PLCL1: variants seen among roughly 807,000 people sequenced by gnomAD.
PLCL1 encodes phospholipase C like 1 (inactive), also known as inactive phospholipase C-like protein 1.
Under a neutral mutation model 84.4 loss-of-function variants are expected in PLCL1, and 41 were observed. The observed-to-expected ratio is 0.49, with a 90% CI of 0.38 to 0.63. The LOEUF (loss-of-function observed/expected upper bound fraction) is 0.63, where lower values mean the gene tolerates loss of function less well. Ranked by LOEUF, PLCL1 falls within the 30% of genes least tolerant of loss-of-function variation. The pLI is 0.00. For synonymous variants in PLCL1, 490 were observed against 488.3 expected (o/e 1.00, Z -0.05); for missense variants, 1,206 against 1,367.8 (o/e 0.88, Z 1.87).
chr2:198,029,957 C>G (rs2105848017), intron 1 of PLCL1, among the ~76,000 whole-genome samples: 1 of 152,022 alleles, frequency 6.6e-6, no homozygotes, highest in South Asian at 2.1e-4. Flanking sequence ...GCCTCAGCCT[C>G]CCAAAGTGCT....
rs570464247 is a variant in PLCL1 at position 198,050,707 on chromosome 2, T to C, written c.241-33051T>C. On this transcript the variant is annotated intron_variant, in intron 1 of 5. Coordinates refer to ENST00000428675, the MANE Select transcript of PLCL1 (RefSeq NM_006226.4). ...TATATCAGTTGGCCAGTTTGACAGA[T>C]AGGAAATTATTTGGAATTAAAAATT... 2.4e-3 allele frequency among the ~76,000 whole-genome samples: 363 copies of C among 152,328 alleles called. 1 individual carries two copies. The highest frequency in any genetic ancestry group is 8.2e-3 in the African/African-American group (340 of 41,572).
chr2:198,096,346 T>C (rs1693192585), intron 3 of PLCL1, among the ~76,000 whole-genome samples: 1 of 152,220 alleles, frequency 6.6e-6, no homozygotes, highest in Non-Finnish European at 1.5e-5. Context: ...TATTTCCAAA[T>C]ACATTTGAAA....
rs142263558 is a variant in PLCL1 at position 198,081,774 on chromosome 2, A to G, written c.241-1984A>G. ...CTTTTCATGGGTAGGGTTTTAGTCA[A>G]TTGAATAATAAATTATCCTGTCTTT... is the stretch of plus-strand genomic sequence containing the variant. On this transcript the variant is annotated intron_variant, in intron 1 of 5. Coordinates refer to ENST00000428675, the MANE Select transcript of PLCL1 (RefSeq NM_006226.4). Among the ~76,000 whole-genome samples the G allele has an allele frequency of 6.8e-4, 104 of 152,310 alleles. 3 individuals carry two copies. In the South Asian group the frequency reaches 0.013, roughly 20 times the overall value.
intron 1 of PLCL1, among the ~76,000 whole-genome samples, chr2:197,885,021 C>G (rs1052643866): frequency 1.3e-5 from 2 of 152,186 alleles, no homozygotes; most frequent in African/African-American, 4.8e-5. Flanking sequence ...GTAAACTCAT[C>G]ATCTACCCCT....
At chr2:198,001,971 G>C in intron 1 of PLCL1, 1 of 440,952 alleles carries the variant, frequency 2.3e-6, no homozygotes, top group South Asian at 1.6e-5. Context: ...TGTAGTTGCA[G>C]GAAAACAGCT....
intron 1 of PLCL1, among the ~76,000 whole-genome samples, chr2:197,933,570 A>C (rs1478952917): frequency 6.6e-6 from 1 of 152,186 alleles, no homozygotes; most frequent in Non-Finnish European, 1.5e-5. Flanking sequence ...TATATTAGTT[A>C]AGGAAAAGGC....
chr2:197,903,604 C>G (rs1479273767), intron 1 of PLCL1, among the ~76,000 whole-genome samples: 4 of 144,276 alleles, frequency 2.8e-5, no homozygotes, highest in Non-Finnish European at 4.5e-5. Flanking sequence ...CTACCTCAGT[C>G]TCCTGAGTAG....
At chr2:197,896,426 G>A (rs555247597) in intron 1 of PLCL1, among the ~76,000 whole-genome samples, 1 of 151,890 alleles carries the variant, frequency 6.6e-6, no homozygotes, top group East Asian at 1.9e-4. Context: ...CTCAACTCAT[G>A]GTTTCCCTTG....
At chr2:197,910,726 T>A (rs1435275347) in intron 1 of PLCL1, among the ~76,000 whole-genome samples, 1 of 152,254 alleles carries the variant, frequency 6.6e-6, no homozygotes, top group Non-Finnish European at 1.5e-5. Flanking sequence ...AATTCCAGGT[T>A]AATTCAGAGT....
chr2:198,003,299 T>C (rs979168288), intron 1 of PLCL1, among the ~76,000 whole-genome samples: 5 of 152,186 alleles, frequency 3.3e-5, no homozygotes, highest in African/African-American at 1.2e-4. Flanking sequence ...ACTTAGTCTT[T>C]ATTGGTTGAA....
chr2:198,098,483 G>A (rs1278888811), intron 3 of PLCL1, among the ~76,000 whole-genome samples: 1 of 152,138 alleles, frequency 6.6e-6, no homozygotes. Context: ...AATATGGTCT[G>A]CTCCTCAAGA....
chr2:198,032,976 C>T (rs916513506), intron 1 of PLCL1, among the ~76,000 whole-genome samples: 3 of 152,146 alleles, frequency 2.0e-5, no homozygotes, highest in Admixed American at 6.5e-5. Context: ...CCTAGCCCAG[C>T]TTCCTAAACT....
rs78340874 is a variant in PLCL1, at chr2:197,878,723, C to T, written c.240+73384C>T. On this transcript the variant is annotated intron_variant, in intron 1 of 5. Coordinates refer to ENST00000428675, the MANE Select transcript of PLCL1 (RefSeq NM_006226.4). ...CTACCTTAGGATCAAATTGAAGTTT[C>T]CACACCATTTTTTCACCCTCGTTTG... 7.0e-3 allele frequency among the ~76,000 whole-genome samples: 1,061 copies of T among 152,164 alleles called. 19 individuals carry two copies. The highest frequency in any genetic ancestry group is 0.024 in the African/African-American group (997 of 41,528).
chr2:197,842,193 C>G (rs1237611716), intron 1 of PLCL1, among the ~76,000 whole-genome samples: 1 of 152,114 alleles, frequency 6.6e-6, no homozygotes, highest in Non-Finnish European at 1.5e-5. Context: ...CTACCTGCCC[C>G]TTACATGATC....
At chr2:197,958,386 A>AG (rs1689534148) in intron 1 of PLCL1, among the ~76,000 whole-genome samples, 1 of 151,912 alleles carries the variant, frequency 6.6e-6, no homozygotes, top group African/African-American at 2.4e-5. Context: ...GCAAAAAAAA[A>AG]CTCATCATAT....
chr2:197,902,981 G>T, intron 1 of PLCL1, among the ~76,000 whole-genome samples: 1 of 152,156 alleles, frequency 6.6e-6, no homozygotes, highest in African/African-American at 2.4e-5. Context: ...CAGTTCATGA[G>T]ATTTTACAAA....
chr2:197,829,465 C>T (rs909353395), intron 1 of PLCL1, among the ~76,000 whole-genome samples: 3 of 151,896 alleles, frequency 2.0e-5, no homozygotes, highest in Non-Finnish European at 2.9e-5. Flanking sequence ...ATTTATGCAT[C>T]GTTAAAATTA....
Position 198,147,000 on chromosome 2 carries a change from G to A in PLCL1, c.*38G>A. The A allele has an allele frequency of 6.7e-7, 1 of 1,496,852 alleles. No individual in the cohort carries two copies. Among genetic ancestry groups the A allele is most frequent in the Non-Finnish European group, 9.0e-7 (1 of 1,111,042 alleles). 92.7% of individuals were successfully genotyped at this position (1,496,852 alleles called of 1,614,324 possible). ...TCGACACGTTCACCCATCTTATCAA[G>A]GACTCTGGTTTCTCATTCTTGTTTT... On this transcript the variant is annotated 3_prime_UTR_variant, in exon 6 of 6. Transcript: ENST00000428675.
intron 1 of PLCL1, among the ~76,000 whole-genome samples, chr2:197,967,395 C>T (rs1689766797): frequency 6.6e-6 from 1 of 152,062 alleles, no homozygotes; most frequent in African/African-American, 2.4e-5. Flanking sequence ...TGGGGTTTCA[C>T]CATGTTGGCC....
Sources: allele counts gnomAD v4.1 joint callset (sites outside exome capture counted in the v4.1 genomes callset), GRCh38; gene constraint gnomAD v4.1.1; transcripts MANE v1.5; gene names NCBI Gene and HGNC (gene_info 2026-07-23, HGNC 2026-07-21).